GPAM: variants seen among roughly 807,000 people sequenced by gnomAD.
GPAM encodes the protein glycerol-3-phosphate acyltransferase, mitochondrial.
Under a neutral mutation model 105.0 loss-of-function variants are expected in GPAM, and 56 were observed. The observed-to-expected ratio is 0.53, with a 90% CI of 0.43 to 0.67. The LOEUF is 0.67. GPAM is among the 30% of genes least tolerant of loss of function. GPAM has a pLI of 0.00. For missense variants in GPAM, 855 were observed against 989.8 expected (o/e 0.86, Z 1.83); for synonymous variants, 368 against 354.4 (o/e 1.04, Z -0.43).
chr10:112,160,517 A>T (rs1338952800), intron 16 of GPAM, 87 bp downstream of exon 16: 28 of 1,356,084 alleles, frequency 2.1e-5, no homozygotes, highest in Non-Finnish European at 2.6e-5. Context: ...AGGGGCTATC[A>T]CCCAAATTAA....
Position 112,154,611 on chromosome 10 carries a change from TA to T in GPAM, c.2370+17del. 6.5e-7 allele frequency: 1 copy of T among 1,546,864 alleles called. No individual in the cohort carries two copies. Among genetic ancestry groups the T allele is most frequent in the Non-Finnish European group, 8.9e-7 (1 of 1,118,722 alleles). ...AGAAGTTGAGATAGCTTTTATACCA[TA>T]AATGGTGGACACCTACCCCAATATC... is the stretch of plus-strand genomic sequence containing the variant. On this transcript the variant is annotated intron_variant, in intron 21 of 21. Coordinates refer to ENST00000348367, the MANE Select transcript of GPAM (RefSeq NM_001244949.2).
chr10:112,175,458 T>A, intron 6 of GPAM, 142 bp downstream of exon 6: 1 of 662,714 alleles, frequency 1.5e-6, no homozygotes, highest in East Asian at 2.7e-5. Context: ...CCTTTGGAGC[T>A]TAACATTTAA....
intron 1 of GPAM, among the ~76,000 whole-genome samples, chr10:112,199,175 C>T (rs1847763305): frequency 6.6e-6 from 1 of 151,804 alleles, no homozygotes; most frequent in Non-Finnish European, 1.5e-5. Flanking sequence ...AGGCTGGTCT[C>T]AAACTCCTGA....
Position 112,157,237 on chromosome 10 carries a change from T to C in GPAM, c.2121+12A>G, listed in dbSNP as rs768713595. Reference sequence around the variant, plus strand: ...TCCCTGTAATATCCACCAGAATTCTTCACCCAAGTACCTTCAGGTAGCAAT... The same window carrying C: ...TCCCTGTAATATCCACCAGAATTCTCCACCCAAGTACCTTCAGGTAGCAAT... On this transcript the variant is annotated intron_variant, in intron 19 of 21. Coordinates refer to ENST00000348367, the MANE Select transcript of GPAM (RefSeq NM_001244949.2). 1 of 1,611,216 alleles carries C rather than the reference T, an allele frequency of 6.2e-7. No homozygotes were observed. Among genetic ancestry groups the C allele is most frequent in the East Asian group, 2.2e-5 (1 of 44,868 alleles).
At chr10:112,225,020 T>A in the GPAM span, among the ~76,000 whole-genome samples, 1 of 152,158 alleles carries the variant, frequency 6.6e-6, no homozygotes, top group Non-Finnish European at 1.5e-5. Flanking sequence ...TTGAAGCACA[T>A]GCCTTAGGAT....
Position 112,160,853 on chromosome 10 carries a change from T to A in GPAM, c.1510A>T (p.Thr504Ser). 6.2e-7 allele frequency: 1 copy of A among 1,613,652 alleles called. No homozygotes were observed. The highest frequency in any genetic ancestry group is 8.5e-7 in the Non-Finnish European group (1 of 1,179,710). The change falls in exon 16 of 22, where the codon ACA becomes TCA. Residue 504 changes from threonine (T) to serine (S), a missense_variant. By Grantham distance (58) the Thr-to-Ser change is moderately conservative. Coordinates refer to ENST00000348367, the MANE Select transcript of GPAM (RefSeq NM_001244949.2). Reference protein sequence around the residue: ...YRHRQGIDLSTLVEDFFVMKE... With the variant: ...YRHRQGIDLSSLVEDFFVMKE... ...ATCACAAAGAAGTCTTCGACCAATG[T>A]GGAGAGATCAATTCCCTAAAGAAAG... is the stretch of plus-strand genomic sequence containing the variant.
At chr10:112,156,106 AGGCAAGT>A in intron 19 of GPAM, 53 bp from the exon 20 acceptor site, 1 of 1,260,872 alleles carries the variant, frequency 7.9e-7, no homozygotes, top group Non-Finnish European at 1.1e-6. Flanking sequence ...AAGAGACACA[AGGCAAGT>A]GGACAGAGGA....
At chr10:112,172,050 A>T (rs1167848970) in intron 9 of GPAM, 132 bp downstream of exon 9, 1 of 696,704 alleles carries the variant, frequency 1.4e-6, no homozygotes, top group Non-Finnish European at 2.5e-6. Flanking sequence ...ATAACTATGT[A>T]TCACTTTTAT....
Position 112,153,591 on chromosome 10 carries a change from G to A in GPAM, c.2446C>T (p.Gln816Ter), listed in dbSNP as rs769172409. Residue 816 changes from glutamine (Q) to a stop codon, truncating the protein, a stop_gained, in exon 22 of 22, where the codon CAA becomes TAA. Coordinates refer to ENST00000348367, the MANE Select transcript of GPAM (RefSeq NM_001244949.2). LOFTEE classifies it high-confidence loss of function. ...CTCAGAATATATTCTAGAAGTTTTT[G>A]TCGGTTGCATTGAGGTAGAAAAGTG... Reference protein sequence around the residue: ...SSTFLPQCNRQKLLEYILSFV... With the variant: ...SSTFLPQCNR 6.2e-7 allele frequency: 1 copy of A among 1,614,016 alleles called. No homozygotes were observed. The highest frequency in any genetic ancestry group is 8.5e-7 in the Non-Finnish European group (1 of 1,179,930).
chr10:112,163,496 C>G (rs1344127862), intron 14 of GPAM, among the ~76,000 whole-genome samples: 2 of 152,244 alleles, frequency 1.3e-5, no homozygotes, highest in Non-Finnish European at 2.9e-5. Context: ...TGAACACCTA[C>G]TAATTACCAG....
chr10:112,222,965 C>T, the GPAM span, among the ~76,000 whole-genome samples: 7 of 152,240 alleles, frequency 4.6e-5, no homozygotes, highest in East Asian at 1.4e-3. Context: ...GTCCTGTTGA[C>T]TCCACCATGC....
chr10:112,161,834 C>G (rs1166698140), intron 14 of GPAM, 97 bp from the exon 15 acceptor site: 1 of 837,468 alleles, frequency 1.2e-6, no homozygotes, highest in Non-Finnish European at 2.0e-6. Flanking sequence ...GTATTTAAAA[C>G]TGTGAAAGTC....
At position 112,200,232 on chromosome 10, in the gene GPAM, T is replaced by TAC. The variant is rs1260414890; in HGVS notation, n.210+14935_210+14936insGT. 5.9e-3 allele frequency among the ~76,000 whole-genome samples: 687 copies of TAC among 116,996 alleles called. 12 individuals are homozygous for TAC. The highest frequency in any genetic ancestry group is 0.022 in the African/African-American group (651 of 29,048). The allele number at this position is 116,996 out of a possible 152,430, so 76.8% of individuals were successfully genotyped here. The stretch of plus-strand genomic sequence containing the variant: ...TATTTCAGTCCACACTATATGTATA[T>TAC]ATATATATATATAGAGAGAGAGAGA... On this transcript the variant is annotated intron_variant and non_coding_transcript_variant, in intron 1 of 3. Coordinates refer to the GPAM transcript ENST00000480130.
chr10:112,173,088 A>C (rs751799822), intron 7 of GPAM, 22 bp from the exon 8 acceptor site: 15 of 1,336,704 alleles, frequency 1.1e-5, no homozygotes, highest in Non-Finnish European at 1.6e-5. Flanking sequence ...TACAAACAAA[A>C]AAAACAACAT....
At chr10:112,184,191 T>G (rs1013619702), upstream of GPAM, among the ~76,000 whole-genome samples, 2 of 152,142 alleles carry the variant, frequency 1.3e-5, no homozygotes, top group African/African-American at 4.8e-5. Context: ...AGTGGCTGAG[T>G]GCCTTTTCCT....
intron 1 of GPAM, among the ~76,000 whole-genome samples, chr10:112,194,700 C>T (rs1847702926): frequency 6.6e-6 from 1 of 152,150 alleles, no homozygotes; most frequent in Non-Finnish European, 1.5e-5. Flanking sequence ...GTAGGGATGG[C>T]TTGCTGAGCA....
intron 1 of GPAM, chr10:112,214,231 G>A (rs1847944540): frequency 6.6e-6 from 1 of 152,228 alleles, no homozygotes; most frequent in South Asian, 2.1e-4. Flanking sequence ...CAGACACAAA[G>A]AGTGGAGAGA....
At position 112,172,189 on chromosome 10, in the gene GPAM, T is replaced by C. The variant is rs1384545256; in HGVS notation, c.787A>G (p.Ile263Val). Residue 263 changes from isoleucine to valine, a missense_variant, in exon 9 of 22, where the codon ATC (isoleucine) becomes GTC (valine). Physicochemically the swap from Ile to Val is conservative, Grantham distance 29. Transcript: ENST00000348367. ...IASGNNLNIPIFSTLIHKLGG... is the reference protein window; with the variant it reads ...IASGNNLNIPVFSTLIHKLGG... ...AAAATAAGCTCATCTTACCTGAAGA[T>C]TGGGATGTTGAGATTATTGCCTGAA... The C allele has an allele frequency of 1.2e-6, 2 of 1,605,786 alleles. No homozygotes were observed. Among genetic ancestry groups the C allele is most frequent in the Admixed American group, 1.7e-5 (1 of 59,996 alleles).
intron 1 of GPAM, among the ~76,000 whole-genome samples, chr10:112,204,902 G>A (rs1274825836): frequency 1.8e-5 from 2 of 109,340 alleles, no homozygotes; most frequent in Non-Finnish European, 3.7e-5. Context: ...CGACATGATT[G>A]TTTATCTAGA....
Sources: allele counts gnomAD v4.1 joint callset (sites outside exome capture counted in the v4.1 genomes callset), GRCh38; gene constraint gnomAD v4.1.1; transcripts MANE v1.5; gene names NCBI Gene and HGNC (gene_info 2026-07-23, HGNC 2026-07-21).